TMPRSS11E: variants seen among roughly 807,000 people sequenced by gnomAD.
TMPRSS11E encodes the protein transmembrane protease serine 11E.
A neutral mutation model predicts 48.1 loss-of-function variants in TMPRSS11E; 38 were observed. The ratio of observed to expected loss-of-function variants is 0.79; its 90% confidence interval spans 0.61 to 1.04. The LOEUF (loss-of-function observed/expected upper bound fraction) is 1.04, where lower values mean the gene tolerates loss of function less well. Ranked by LOEUF, TMPRSS11E falls within the 50% of genes least tolerant of loss-of-function variation. The pLI is 0.00. For missense variants in TMPRSS11E, 530 were observed against 510.8 expected (o/e 1.04, Z -0.36); for synonymous variants, 158 against 171.9 (o/e 0.92, Z 0.63).
At chr4:68,479,941 A>C (rs35258587) in intron 9 of TMPRSS11E, among the ~76,000 whole-genome samples, 49,589 of 151,806 alleles carry the variant, frequency 0.33, 8,852 homozygotes, top group East Asian at 0.77. Flanking sequence ...ATAATTTAGC[A>C]CTGACAGTTC....
intron 4 of TMPRSS11E, among the ~76,000 whole-genome samples, chr4:68,470,823 A>G (rs1045530179): frequency 6.6e-6 from 1 of 151,884 alleles, no homozygotes; most frequent in Non-Finnish European, 1.5e-5. Context: ...AGTCACATGA[A>G]GTCAGTACAA....
intron 1 of TMPRSS11E, among the ~76,000 whole-genome samples, chr4:68,447,870 A>G (rs767503457): frequency 3.3e-5 from 5 of 151,924 alleles, no homozygotes; most frequent in African/African-American, 7.2e-5. Flanking sequence ...TGTTTGTCTT[A>G]TTGAGAAACA....
At position 68,497,318 on chromosome 4, in the gene TMPRSS11E, A is replaced by G. The variant is rs1362516608; in HGVS notation, c.*514A>G. The stretch of plus-strand genomic sequence containing the variant: ...TCTTAGTGGAATATTAGAAATGATC[A>G]TATTCATTATGAAAGGTCAAGCAAA... On this transcript the variant is annotated 3_prime_UTR_variant, in exon 10 of 10. Coordinates refer to ENST00000305363, the MANE Select transcript of TMPRSS11E (RefSeq NM_014058.4). The G allele has an allele frequency of 6.6e-6, 1 of 152,238 alleles. No individual in the cohort carries two copies. The highest frequency in any genetic ancestry group is 1.5e-5 in the Non-Finnish European group (1 of 68,104). 9.4% of individuals were successfully genotyped at this position (152,238 alleles called of 1,614,324 possible). A position where few individuals can be genotyped will look rare whatever the true frequency, so the allele number is the denominator to read the frequency against.
At chr4:68,486,094 T>C (rs993410026) in intron 9 of TMPRSS11E, among the ~76,000 whole-genome samples, 3 of 152,098 alleles carry the variant, frequency 2.0e-5, no homozygotes, top group African/African-American at 7.2e-5. Context: ...GAACAAGTTG[T>C]TTGGTTTCAT....
chr4:68,458,357 A>AT (rs35410581), intron 1 of TMPRSS11E, among the ~76,000 whole-genome samples: 41,871 of 151,856 alleles, frequency 0.28, 6,062 homozygotes, highest in Admixed American at 0.33. Context: ...CTAAAAAAAC[A>AT]AAGCATACTT....
chr4:68,466,877 C>T (rs1728941839), intron 3 of TMPRSS11E, 125 bp downstream of exon 3: 1 of 1,239,584 alleles, frequency 8.1e-7, no homozygotes, highest in Admixed American at 2.1e-5. Context: ...TGAAAAGAGG[C>T]CCTAACCCAA....
intron 6 of TMPRSS11E, 82 bp downstream of exon 6, chr4:68,474,843 T>C: frequency 8.6e-7 from 1 of 1,166,766 alleles, no homozygotes; most frequent in Non-Finnish European, 1.2e-6. Flanking sequence ...TACTTTGTGT[T>C]GATATCATAG....
intron 4 of TMPRSS11E, among the ~76,000 whole-genome samples, chr4:68,471,118 T>C (rs1418789212): frequency 6.6e-6 from 1 of 151,974 alleles, no homozygotes; most frequent in Non-Finnish European, 1.5e-5. Context: ...GTTCTTCACA[T>C]AGTAAACAGT....
chr4:68,470,842 A>G (rs1729044714), intron 4 of TMPRSS11E, among the ~76,000 whole-genome samples: 1 of 151,906 alleles, frequency 6.6e-6, no homozygotes, highest in Non-Finnish European at 1.5e-5. Flanking sequence ...AATTTGGTAA[A>G]GCGGTCTTAT....
intron 1 of TMPRSS11E, among the ~76,000 whole-genome samples, chr4:68,460,344 A>G (rs1184764082): frequency 2.0e-5 from 3 of 152,178 alleles, no homozygotes; most frequent in Non-Finnish European, 2.9e-5. Context: ...TTTTCTGTAA[A>G]CAAAAGGCAT....
At chr4:68,463,169 A>C (rs2123886) in intron 2 of TMPRSS11E, among the ~76,000 whole-genome samples, 45,947 of 152,112 alleles carry the variant, frequency 0.3, 7,099 homozygotes, top group Admixed American at 0.34. Context: ...ATCTCAATTT[A>C]CAAAGCAAGG....
At position 68,478,834 on chromosome 4, in the gene TMPRSS11E, T is replaced by C. The variant is rs1018525167; in HGVS notation, c.968-15T>C. 24 of 1,607,668 alleles carry C rather than the reference T, an allele frequency of 1.5e-5. No individual in the cohort carries two copies. The African/African-American group carries it at 2.2e-4, about 14-fold the overall frequency. ...TATGTATGTCTACAAATACAAAGAC[T>C]TTTTTTTCTTTTAGGTTACAGTCAA... On this transcript the variant is annotated splice_polypyrimidine_tract_variant and intron_variant, in intron 8 of 9. Transcript: ENST00000305363.
At chr4:68,456,560 G>T (rs986062864) in intron 1 of TMPRSS11E, among the ~76,000 whole-genome samples, 1 of 152,022 alleles carries the variant, frequency 6.6e-6, no homozygotes, top group Non-Finnish European at 1.5e-5. Flanking sequence ...TCTAGAAAGT[G>T]TGAGAAGGAT....
intron 2 of TMPRSS11E, among the ~76,000 whole-genome samples, chr4:68,463,729 T>G (rs1728854557): frequency 6.6e-6 from 1 of 152,252 alleles, no homozygotes; most frequent in Non-Finnish European, 1.5e-5. Flanking sequence ...TAGGACTGTT[T>G]TACACACTTT....
In TMPRSS11E at chr4:68,496,814, G is replaced by T. The variant is rs1729883066; in HGVS notation, c.*10G>T. The T allele has an allele frequency of 4.4e-6, 7 of 1,604,350 alleles. No individual in the cohort carries two copies. Among genetic ancestry groups the T allele is most frequent in the Non-Finnish European group, 5.9e-6 (7 of 1,176,564 alleles). ...AAAAACTGGTATCTAAGAGAGAAAA[G>T]CCTCATGGAACAGATAACATTTTTT... On this transcript the variant is annotated 3_prime_UTR_variant, in exon 10 of 10. Coordinates refer to ENST00000305363, the MANE Select transcript of TMPRSS11E (RefSeq NM_014058.4).
chr4:68,482,428 A>G (rs2708694), intron 9 of TMPRSS11E, among the ~76,000 whole-genome samples: 100,012 of 151,356 alleles, frequency 0.66, 33,417 homozygotes, highest in East Asian at 0.86. Context: ...AACAGTCCCC[A>G]AAAGTCTTAA....
intron 1 of TMPRSS11E, among the ~76,000 whole-genome samples, chr4:68,457,646 C>A (rs578105967): frequency 6.6e-6 from 1 of 151,962 alleles, no homozygotes; most frequent in Non-Finnish European, 1.5e-5. Flanking sequence ...TGGAACCAAC[C>A]CAAATGCCCA....
At chr4:68,495,891 G>A (rs1335855948) in intron 9 of TMPRSS11E, among the ~76,000 whole-genome samples, 1 of 152,146 alleles carries the variant, frequency 6.6e-6, no homozygotes, top group South Asian at 2.1e-4. Flanking sequence ...TTCATAGAGT[G>A]AGTATGAATA....
intron 9 of TMPRSS11E, among the ~76,000 whole-genome samples, chr4:68,480,017 A>AT (rs1213472882): frequency 6.6e-6 from 1 of 152,048 alleles, no homozygotes; most frequent in South Asian, 2.1e-4. Context: ...TATTAGAATT[A>AT]TTTTTTTCCA....
Sources: allele counts gnomAD v4.1 joint callset (sites outside exome capture counted in the v4.1 genomes callset), GRCh38; gene constraint gnomAD v4.1.1; transcripts MANE v1.5; gene names NCBI Gene and HGNC (gene_info 2026-07-23, HGNC 2026-07-21).